Variants in AOPEP observed in about 807,000 individuals in gnomAD.
The protein encoded by AOPEP is aminopeptidase O.
A neutral mutation model predicts 98.1 loss-of-function variants in AOPEP; 77 were observed. The ratio of observed to expected loss-of-function variants is 0.78; its 90% confidence interval spans 0.65 to 0.95. The LOEUF (loss-of-function observed/expected upper bound fraction) is 0.95. Ranked by LOEUF, AOPEP falls within the 40% of genes least tolerant of loss-of-function variation. The pLI is 0.00. For missense variants in AOPEP, 1,024 were observed against 1,024.7 expected, an observed-to-expected ratio of 1.00 and a Z score of 0.01; for synonymous variants, 346 against 365.3, an observed-to-expected ratio of 0.95 and a Z score of 0.60.
chr9:94,982,565 CTTTT>C (rs532615813), intron 11 of AOPEP, among the ~76,000 whole-genome samples: 8 of 134,578 alleles, frequency 5.9e-5, no homozygotes, highest in Admixed American at 7.6e-5. Context: ...AAGAGCAATA[CTTTT>C]TTTTTTTTTT....
intron 5 of AOPEP, among the ~76,000 whole-genome samples, chr9:94,888,899 T>C (rs957124807): frequency 2.0e-5 from 3 of 152,192 alleles, no homozygotes; most frequent in Non-Finnish European, 2.9e-5. Flanking sequence ...GATTTTATCA[T>C]GCATGAAGCT....
At chr9:95,095,837 G>T in the AOPEP span, among the ~76,000 whole-genome samples, 61 of 150,988 alleles carry the variant, frequency 4.0e-4, no homozygotes, top group Non-Finnish European at 8.0e-4. Flanking sequence ...TGACCTGCAC[G>T]CAGGGGTGTG....
At chr9:94,977,246 CCTTAT>C (rs1248172281) in intron 10 of AOPEP, among the ~76,000 whole-genome samples, 1 of 152,152 alleles carries the variant, frequency 6.6e-6, no homozygotes, top group East Asian at 1.9e-4. Flanking sequence ...ACTGTCCCCA[CCTTAT>C]CTGCTGCTGG....
intron 1 of AOPEP, among the ~76,000 whole-genome samples, chr9:94,731,646 C>T (rs1830570195): frequency 6.6e-6 from 1 of 151,952 alleles, no homozygotes; most frequent in African/African-American, 2.4e-5. Flanking sequence ...ATGTGATATA[C>T]TTTTAGAGCA....
intron 14 of AOPEP, among the ~76,000 whole-genome samples, chr9:95,073,295 G>GCTGGAA (rs950640324): frequency 6.6e-6 from 1 of 152,184 alleles, no homozygotes; most frequent in Non-Finnish European, 1.5e-5. Flanking sequence ...TGGAGCTGGA[G>GCTGGAA]TGGGGCCTGG....
chr9:94,821,747 A>T (rs1166521384), intron 5 of AOPEP, among the ~76,000 whole-genome samples: 1 of 152,212 alleles, frequency 6.6e-6, no homozygotes, highest in African/African-American at 2.4e-5. Context: ...TTATGGTTTC[A>T]TGTTGGCCTA....
chr9:94,971,923 C>T (rs1328346515), intron 10 of AOPEP, among the ~76,000 whole-genome samples: 1 of 152,220 alleles, frequency 6.6e-6, no homozygotes, highest in Non-Finnish European at 1.5e-5. Flanking sequence ...AGCCTTCAGG[C>T]ACCTGTACCT....
chr9:94,936,260 A>G (rs1564410279), intron 7 of AOPEP, among the ~76,000 whole-genome samples: 1 of 152,150 alleles, frequency 6.6e-6, no homozygotes, highest in Non-Finnish European at 1.5e-5. Flanking sequence ...CAAGCCCCTT[A>G]GTGTGGCATG....
chr9:94,922,294 G>A (rs998497305), intron 5 of AOPEP, among the ~76,000 whole-genome samples: 5 of 152,124 alleles, frequency 3.3e-5, no homozygotes, highest in Non-Finnish European at 7.4e-5. Flanking sequence ...TCATCCACTC[G>A]TGGAAGCTTC....
At chr9:94,865,009 T>G (rs1232889088) in intron 5 of AOPEP, among the ~76,000 whole-genome samples, 2 of 152,198 alleles carry the variant, frequency 1.3e-5, no homozygotes, top group Non-Finnish European at 2.9e-5. Flanking sequence ...TTACGACTCC[T>G]TCATTAACAC....
chr9:95,060,741 G>A lies in AOPEP; in HGVS notation c.2163G>A (p.Gln721=), dbSNP rs1442016875. The A allele has an allele frequency of 6.2e-7, 1 of 1,614,142 alleles. No homozygotes were observed. Among genetic ancestry groups the A allele is most frequent in the South Asian group, 1.1e-5 (1 of 91,080 alleles). ...TGCTTCTGGAGCATCTCTTGGAGCA[G>A]AAGACTCTGAGCCCCCGAACTCTGC... ...LVLLLEHLLE[Q]KTLSPRTLQS... is the part of the protein sequence containing the mutation. The change falls in exon 14 of 17, where the codon CAG becomes CAA. Residue 721 remains glutamine (Q), a synonymous_variant. Coordinates refer to ENST00000375315, the MANE Select transcript of AOPEP (RefSeq NM_001193329.3).
chr9:94,996,227 C>T (rs985088700), intron 11 of AOPEP, among the ~76,000 whole-genome samples: 2 of 152,122 alleles, frequency 1.3e-5, no homozygotes, highest in Non-Finnish European at 2.9e-5. Context: ...TTTCCTGGAA[C>T]ACCTCCTTGT....
the AOPEP span, chr9:95,107,246 G>A: frequency 4.3e-6 from 7 of 1,613,894 alleles, no homozygotes; most frequent in African/African-American, 8.0e-5. Flanking sequence ...CCAGGAGGTG[G>A]CCCAGCACGG....
intron 7 of AOPEP, among the ~76,000 whole-genome samples, chr9:94,931,113 C>CTT (rs1464977092): frequency 6.6e-6 from 1 of 152,096 alleles, no homozygotes. Flanking sequence ...GTGTTTCCAA[C>CTT]TTGTAAGCAA....
intron 13 of AOPEP, among the ~76,000 whole-genome samples, chr9:95,058,742 T>G (rs1244398477): frequency 6.6e-6 from 1 of 152,100 alleles, no homozygotes; most frequent in African/African-American, 2.4e-5. Flanking sequence ...AGCCCACGAC[T>G]GGGGTGAAAA....
At position 95,087,035 on chromosome 9, in the gene AOPEP, G is replaced by C; in HGVS notation, c.*358G>C. ...GTCTGCTCAGCACATGGCTGGATGCGGATATTTCTATAATTCCAGAAAGTC... is the reference window on the plus strand; with the variant it reads ...GTCTGCTCAGCACATGGCTGGATGCCGATATTTCTATAATTCCAGAAAGTC... On this transcript the variant is annotated 3_prime_UTR_variant, in exon 17 of 17. Coordinates refer to ENST00000375315, the MANE Select transcript of AOPEP (RefSeq NM_001193329.3). 3.9e-6 allele frequency: 3 copies of C among 765,828 alleles called. No individual in the cohort carries two copies. Among genetic ancestry groups the C allele is most frequent in the Non-Finnish European group, 4.8e-6 (3 of 629,120 alleles). The allele number at this position is 765,828 out of a possible 1,614,324, so 47.4% of individuals were successfully genotyped here. A position where few individuals can be genotyped will look rare whatever the true frequency, so the allele number is the denominator to read the frequency against.
chr9:95,029,500 T>C (rs2064121416), intron 13 of AOPEP, among the ~76,000 whole-genome samples: 1 of 152,170 alleles, frequency 6.6e-6, no homozygotes, highest in South Asian at 2.1e-4. Context: ...GTCACCCTCC[T>C]GGGCCCTCAC....
At position 94,787,886 on chromosome 9, in the gene AOPEP, A is replaced by G. The variant is rs1324623632; in HGVS notation, c.965-4879A>G. On this transcript the variant is annotated intron_variant, in intron 3 of 16. Transcript: ENST00000375315. ...TACCTCTTTCGGCTGATTACTTGAT[A>G]TTTACCTGCATGTCCTTCAGTAAGA... 2.0e-5 allele frequency among the ~76,000 whole-genome samples: 3 copies of G among 152,144 alleles called. No homozygotes were observed. The East Asian group carries it at 5.8e-4, about 29-fold the overall frequency.
chr9:94,998,896 G>T (rs948592271), intron 11 of AOPEP, among the ~76,000 whole-genome samples: 5 of 152,148 alleles, frequency 3.3e-5, no homozygotes, highest in African/African-American at 1.2e-4. Context: ...TAGCCTTTTT[G>T]TAATAGTCCT....
Sources: gnomAD v4.1 joint callset for allele counts (sites outside exome capture counted in the v4.1 genomes callset) on GRCh38, gnomAD v4.1.1 for gene constraint, MANE v1.5 for transcripts, NCBI Gene and HGNC (gene_info 2026-07-23, HGNC 2026-07-21) for gene names.